The following DNAH3 variants were observed in gnomAD, a reference collection of about 807,000 sequenced individuals.
DNAH3 encodes the protein axonemal beta dynein heavy chain 3.
In DNAH3, 332 loss-of-function variants were observed where a neutral mutation model predicts 432.5. The observed-to-expected ratio is 0.77, with a 90% CI of 0.70 to 0.84. The LOEUF (loss-of-function observed/expected upper bound fraction) is 0.84. Among genes scored for constraint, DNAH3 ranks in the 40% least tolerant of loss-of-function variants. DNAH3 has a pLI of 0.00. For missense variants in DNAH3, 4,861 were observed against 5,114.0 expected (o/e 0.95, Z 1.51); for synonymous variants, 1,956 against 1,900.2 (o/e 1.03, Z -0.76).
chr16:21,067,802 A>AGAGAGAGAGAGAGAGAGAGAGAGC (rs367854811), intron 23 of DNAH3, among the ~76,000 whole-genome samples: 1 of 129,926 alleles, frequency 7.7e-6, no homozygotes, highest in Non-Finnish European at 1.6e-5. Context: ...AGAGAGAGAG[A>AGAGAGAGAGAGAGAGAGAGAGAGC]CTGACTAAGG....
At chr16:21,062,611 C>T (rs374099468) in exon 25 of DNAH3, 278 of 1,614,052 alleles carry the variant, frequency 1.7e-4, no homozygotes, top group Non-Finnish European at 2.1e-4. Flanking sequence ...TCTTCAAGTG[C>T]GGCTGCACTC....
intron 25 of DNAH3, among the ~76,000 whole-genome samples, chr16:21,062,029 C>T (rs2090377653): frequency 6.6e-6 from 1 of 152,150 alleles, no homozygotes; most frequent in Admixed American, 6.6e-5. Flanking sequence ...GTAATTTATA[C>T]TTTACTCATT....
chr16:21,000,442 A>G, exon 43 of DNAH3: 7 of 1,614,014 alleles, frequency 4.3e-6, no homozygotes, highest in Non-Finnish European at 5.9e-6. Flanking sequence ...CAGCATTGGA[A>G]TCTCATGGTC....
At chr16:21,153,573 A>G (rs1180620190) in intron 1 of DNAH3, among the ~76,000 whole-genome samples, 2 of 152,140 alleles carry the variant, frequency 1.3e-5, no homozygotes, top group Non-Finnish European at 2.9e-5. Flanking sequence ...CCCCTTCTAC[A>G]ACGTGGAAGG....
intron 18 of DNAH3, among the ~76,000 whole-genome samples, chr16:21,094,132 C>G (rs2091613374): frequency 6.6e-6 from 1 of 152,056 alleles, no homozygotes; most frequent in Admixed American, 6.6e-5. Flanking sequence ...AAGCCATGGA[C>G]TTGGAGAAAA....
chr16:20,979,968 T>C lies in DNAH3; in HGVS notation c.7860-422A>G, dbSNP rs547423423. Among the ~76,000 whole-genome samples the C allele has an allele frequency of 2.9e-3, 439 of 151,974 alleles. 1 individual carries two copies. Among genetic ancestry groups the C allele is most frequent in the Non-Finnish European group, 3.5e-3 (237 of 67,980 alleles). ...TTTCACCATGTTGGTCAGGCTAGTC[T>C]GAAACTCCTGACCTCAGGTGATCTG... On this transcript the variant is annotated intron_variant, in intron 49 of 61. Coordinates refer to ENST00000261383, the Ensembl canonical transcript of DNAH3.
chr16:21,125,771 G>A (rs2092435231), intron 8 of DNAH3, among the ~76,000 whole-genome samples: 1 of 152,168 alleles, frequency 6.6e-6, no homozygotes, highest in African/African-American at 2.4e-5. Flanking sequence ...GAGAGAATGA[G>A]GAGCAAAGAA....
At chr16:20,940,522 C>T (rs1386686579) in intron 59 of DNAH3, among the ~76,000 whole-genome samples, 1 of 151,674 alleles carries the variant, frequency 6.6e-6, no homozygotes, top group Non-Finnish European at 1.5e-5. Flanking sequence ...GAGCTCCTGG[C>T]CTCCAAGAGA....
At chr16:20,941,996 C>T (rs1229844889) in intron 58 of DNAH3, among the ~76,000 whole-genome samples, 2 of 150,612 alleles carry the variant, frequency 1.3e-5, no homozygotes, top group Non-Finnish European at 2.9e-5. Flanking sequence ...ACCCAGGAGG[C>T]GGATGTTGCA....
chr16:20,993,723 GC>G (rs1567604329), intron 44 of DNAH3, among the ~76,000 whole-genome samples: 3 of 151,706 alleles, frequency 2.0e-5, no homozygotes, highest in African/African-American at 7.3e-5. Flanking sequence ...TTGCTCTGTC[GC>G]CCTGGTTGCA....
Position 20,997,449 on chromosome 16 carries a change from C to CA in DNAH3, c.6434dup (p.Met2145IlefsTer21). 1.9e-6 allele frequency: 3 copies of CA among 1,613,984 alleles called. No homozygotes were observed. The highest frequency in any genetic ancestry group is 2.5e-6 in the Non-Finnish European group (3 of 1,179,920). ...GGGCCCCATACACCTCTTTGGCTGG[C>CA]ATGTTGAGGTCATCTGGGGAAAGAA... On this transcript the variant is annotated frameshift_variant, in exon 44 of 62. Transcript: ENST00000261383. LOFTEE classifies it high-confidence loss of function.
At chr16:20,966,655 G>A (rs762791851) in intron 52 of DNAH3, among the ~76,000 whole-genome samples, 4 of 152,176 alleles carry the variant, frequency 2.6e-5, no homozygotes, top group Non-Finnish European at 5.9e-5. Flanking sequence ...AATATGGGTT[G>A]AATGAATAGT....
intron 7 of DNAH3, chr16:21,129,448 G>A (rs574745074): frequency 6.6e-6 from 1 of 151,962 alleles, no homozygotes; most frequent in East Asian, 1.9e-4. Flanking sequence ...TGCACCCTGG[G>A]GCTGGGTATG....
chr16:21,152,367 T>G (rs1230285381), intron 1 of DNAH3, among the ~76,000 whole-genome samples: 2 of 152,240 alleles, frequency 1.3e-5, no homozygotes, highest in African/African-American at 4.8e-5. Context: ...ATAACCTACC[T>G]GTCCAGAACA....
At chr16:21,013,882 T>C (rs949839622) in intron 41 of DNAH3, among the ~76,000 whole-genome samples, 4 of 152,182 alleles carry the variant, frequency 2.6e-5, no homozygotes, top group African/African-American at 9.7e-5. Context: ...ATGATTCACA[T>C]AAGGAGAAGT....
At chr16:21,094,865 T>C (rs979337688) in intron 18 of DNAH3, among the ~76,000 whole-genome samples, 1 of 152,278 alleles carries the variant, frequency 6.6e-6, no homozygotes, top group African/African-American at 2.4e-5. Flanking sequence ...TCATGAGAAC[T>C]GATGGTTTTA....
chr16:21,081,454 A>G (rs2091182540), intron 20 of DNAH3, among the ~76,000 whole-genome samples, 182 bp downstream of exon 20: 1 of 152,006 alleles, frequency 6.6e-6, no homozygotes, highest in Non-Finnish European at 1.5e-5. Context: ...GCAGCTCTGC[A>G]GCTAAAAAAC....
chr16:21,141,011 C>T (rs982139180), intron 4 of DNAH3, among the ~76,000 whole-genome samples: 1 of 152,110 alleles, frequency 6.6e-6, no homozygotes, highest in African/African-American at 2.4e-5. Context: ...TGGTGGCATG[C>T]ACCTGAAATC....
At chr16:20,954,107 C>T (rs1026639712) in intron 55 of DNAH3, among the ~76,000 whole-genome samples, 1 of 151,052 alleles carries the variant, frequency 6.6e-6, no homozygotes, top group African/African-American at 2.4e-5. Context: ...CTTGTAGTTC[C>T]AGCTACTGGG....
Sources: gnomAD v4.1 joint callset for allele counts (sites outside exome capture counted in the v4.1 genomes callset) on GRCh38, gnomAD v4.1.1 for gene constraint, MANE v1.5 for transcripts, NCBI Gene and HGNC (gene_info 2026-07-23, HGNC 2026-07-21) for gene names.